The following CACNA1E variants were observed in gnomAD, a reference collection of about 807,000 sequenced individuals.
The protein encoded by CACNA1E is calcium voltage-gated channel subunit alpha1 E.
Under a neutral mutation model 259.2 loss-of-function variants are expected in CACNA1E, and 40 were observed. That is an observed-to-expected ratio of 0.15 (90% CI 0.12 to 0.20). The LOEUF (loss-of-function observed/expected upper bound fraction) is 0.20. Ranked by LOEUF, CACNA1E falls within the 10% of genes least tolerant of loss-of-function variation. CACNA1E has a pLI of 1.00. For missense variants in CACNA1E, 1,874 were observed against 3,040.1 expected, an observed-to-expected ratio of 0.62 and a Z score of 9.02; for synonymous variants, 1,104 against 1,138.5, an observed-to-expected ratio of 0.97 and a Z score of 0.61.
intron 2 of CACNA1E, among the ~76,000 whole-genome samples, chr1:181,422,848 C>A (rs1006871508): frequency 1.3e-5 from 2 of 152,070 alleles, no homozygotes; most frequent in Admixed American, 1.3e-4. Context: ...TCTTGTCTAC[C>A]GAGAAAGTGT....
At chr1:181,764,306 C>T (rs1658842040) in intron 34 of CACNA1E, among the ~76,000 whole-genome samples, 1 of 151,996 alleles carries the variant, frequency 6.6e-6, no homozygotes. Context: ...TGTTCAAATG[C>T]CTGTTCTTAC....
At chr1:181,465,040 A>T (rs751523607) in intron 2 of CACNA1E, among the ~76,000 whole-genome samples, 4 of 152,160 alleles carry the variant, frequency 2.6e-5, no homozygotes, top group Non-Finnish European at 4.4e-5. Context: ...TCCCCAAGAA[A>T]TGTCTTATAG....
chr1:181,652,358 G>A (rs1658830465), intron 7 of CACNA1E, among the ~76,000 whole-genome samples: 3 of 152,112 alleles, frequency 2.0e-5, no homozygotes, highest in Admixed American at 2.0e-4. Context: ...AATTTATAAG[G>A]TGGCACTTCT....
intron 19 of CACNA1E, 134 bp downstream of exon 19, chr1:181,731,365 C>A: frequency 2.8e-6 from 2 of 704,378 alleles, no homozygotes; most frequent in Non-Finnish European, 2.6e-6. Context: ...TGTGTGTGTT[C>A]CGTTCACATG....
chr1:181,463,146 A>G (rs1304107486), intron 2 of CACNA1E, among the ~76,000 whole-genome samples: 1 of 152,168 alleles, frequency 6.6e-6, no homozygotes. Flanking sequence ...TATAAATGCT[A>G]TATTTTTCCT....
intron 3 of CACNA1E, among the ~76,000 whole-genome samples, chr1:181,535,889 G>A (rs1455185958): frequency 2.0e-5 from 3 of 152,082 alleles, no homozygotes; most frequent in Admixed American, 2.0e-4. Flanking sequence ...GTTTCACCAT[G>A]TTGGCCAGGC....
At chr1:181,334,420 G>A (rs908117326) in intron 1 of CACNA1E, among the ~76,000 whole-genome samples, 3 of 152,138 alleles carry the variant, frequency 2.0e-5, no homozygotes, top group Admixed American at 6.5e-5. Context: ...AATGCTACAC[G>A]TGTCCATCCA....
intron 2 of CACNA1E, among the ~76,000 whole-genome samples, chr1:181,454,150 T>C (rs1162237110): frequency 6.6e-6 from 1 of 152,158 alleles, no homozygotes; most frequent in Non-Finnish European, 1.5e-5. Context: ...AAGGGCTTCA[T>C]GGTGGGATCA....
At chr1:181,757,245 A>T (rs2102690518) in intron 30 of CACNA1E, 119 bp downstream of exon 30, 2 of 706,608 alleles carry the variant, frequency 2.8e-6, no homozygotes, top group Non-Finnish European at 4.8e-6. Context: ...TAGAGAGAAG[A>T]TGGGAAAAGT....
chr1:181,795,809 T>C (rs1661757750), intron 46 of CACNA1E, among the ~76,000 whole-genome samples: 1 of 146,380 alleles, frequency 6.8e-6, no homozygotes, highest in Non-Finnish European at 1.5e-5. Flanking sequence ...AACTATTTTG[T>C]TTTATTGGAT....
intron 6 of CACNA1E, among the ~76,000 whole-genome samples, chr1:181,629,995 A>T (rs1373673452): frequency 6.6e-6 from 1 of 152,164 alleles, no homozygotes. Flanking sequence ...GTTACAGAGT[A>T]ATGTGTATAG....
At chr1:181,558,344 G>A (rs138935932) in intron 3 of CACNA1E, among the ~76,000 whole-genome samples, 7 of 152,230 alleles carry the variant, frequency 4.6e-5, no homozygotes, top group African/African-American at 1.7e-4. Flanking sequence ...TACATTTATC[G>A]AGTACCTACT....
At chr1:181,433,263 C>G (rs686780) in intron 2 of CACNA1E, among the ~76,000 whole-genome samples, 9,355 of 152,226 alleles carry the variant, frequency 0.061, 466 homozygotes, top group African/African-American at 0.13. Flanking sequence ...GGGCCACCCC[C>G]ACTCCATGAT....
intron 1 of CACNA1E, among the ~76,000 whole-genome samples, chr1:181,389,924 G>A (rs1404318674): frequency 1.3e-5 from 2 of 152,268 alleles, no homozygotes; most frequent in African/African-American, 4.8e-5. Context: ...AATCAATGAA[G>A]AGGCAGTGGA....
chr1:181,655,773 TA>T (rs1659158466), intron 7 of CACNA1E, among the ~76,000 whole-genome samples: 1 of 152,152 alleles, frequency 6.6e-6, no homozygotes. Context: ...CAGAGGCCTC[TA>T]AAAATGCTAT....
intron 25 of CACNA1E, among the ~76,000 whole-genome samples, chr1:181,746,010 A>G (rs3753748): frequency 0.7 from 107,006 of 152,044 alleles, 37,831 homozygotes; most frequent in East Asian, 0.79. Flanking sequence ...CATGTGCAAG[A>G]GGGAAAGGAT....
chr1:181,337,296 C>T (rs1651789120), intron 1 of CACNA1E, among the ~76,000 whole-genome samples: 1 of 151,356 alleles, frequency 6.6e-6, no homozygotes, highest in Admixed American at 6.6e-5. Context: ...GCTGGGCCTA[C>T]AGGCGCCCGC....
intron 34 of CACNA1E, 143 bp from the exon 35 acceptor site, chr1:181,766,403 C>A: frequency 3.1e-6 from 2 of 652,080 alleles, no homozygotes; most frequent in Non-Finnish European, 2.8e-6. Context: ...CACCTCAAAA[C>A]AGAACAACCC....
intron 1 of CACNA1E, among the ~76,000 whole-genome samples, chr1:181,346,992 G>A (rs1397091954): frequency 6.6e-6 from 1 of 152,176 alleles, no homozygotes; most frequent in African/African-American, 2.4e-5. Flanking sequence ...CCTAGTAGGT[G>A]CTCAGTCACT....
Sources: gnomAD v4.1 joint callset for allele counts (sites outside exome capture counted in the v4.1 genomes callset) on GRCh38, gnomAD v4.1.1 for gene constraint, MANE v1.5 for transcripts, NCBI Gene and HGNC (gene_info 2026-07-23, HGNC 2026-07-21) for gene names.